Variants in FAM149B1 observed in about 807,000 individuals in gnomAD.
FAM149B1 encodes the protein primary cilium assembly protein FAM149B1.
FAM149B1 carries 56 observed loss-of-function variants against 75.3 expected under a neutral mutation model. The ratio of observed to expected loss-of-function variants is 0.74; its 90% CI spans 0.60 to 0.93. The LOEUF is 0.93. Ranked by LOEUF, FAM149B1 falls within the 40% of genes least tolerant of loss-of-function variation. The probability of loss-of-function intolerance (pLI) is 0.00; values close to 1 mark genes in which losing one functional copy is unlikely to be tolerated. For synonymous variants in FAM149B1, 259 were observed against 256.1 expected (o/e 1.01, Z -0.11); for missense variants, 639 against 708.4 (o/e 0.90, Z 1.11).
chr10:73,217,289 T>C (rs2043318437), intron 7 of FAM149B1, among the ~76,000 whole-genome samples: 1 of 152,218 alleles, frequency 6.6e-6, no homozygotes, highest in Non-Finnish European at 1.5e-5. Flanking sequence ...TACATATTTT[T>C]TTCTGTTGGG....
intron 12 of FAM149B1, chr10:73,235,585 A>G (rs1302307663): frequency 1.8e-6 from 1 of 549,144 alleles, no homozygotes; most frequent in Admixed American, 3.8e-5. Flanking sequence ...AGAATATTAA[A>G]TCCCAGTACA....
chr10:73,174,958 C>T (rs1489366087), intron 2 of FAM149B1, among the ~76,000 whole-genome samples, 167 bp downstream of exon 2: 1 of 152,150 alleles, frequency 6.6e-6, no homozygotes, highest in Admixed American at 6.5e-5. Context: ...CTAATGACAA[C>T]ATCATACATA....
intron 2 of FAM149B1, among the ~76,000 whole-genome samples, chr10:73,177,535 C>T (rs1338528818): frequency 6.6e-6 from 1 of 151,562 alleles, no homozygotes; most frequent in Non-Finnish European, 1.5e-5. Context: ...TATCGTGCCA[C>T]TGCACTGTAG....
chr10:73,173,567 A>G (rs1415764448), intron 1 of FAM149B1, among the ~76,000 whole-genome samples: 1 of 152,120 alleles, frequency 6.6e-6, no homozygotes, highest in African/African-American at 2.4e-5. Context: ...CCATTATATA[A>G]ATGGCCCTTA....
chr10:73,220,270 A>G (rs1165498387), intron 7 of FAM149B1, among the ~76,000 whole-genome samples: 1 of 152,200 alleles, frequency 6.6e-6, no homozygotes, highest in Non-Finnish European at 1.5e-5. Context: ...AAGAAAAATA[A>G]CAAGTGTTAG....
chr10:73,241,965 G>A lies in FAM149B1; in HGVS notation c.*946G>A, dbSNP rs1253704137. 1 of 152,066 alleles carries A rather than the reference G, an allele frequency of 6.6e-6. No homozygotes were observed. The highest frequency in any genetic ancestry group is 2.4e-5 in the African/African-American group (1 of 41,404). The allele number at this position is 152,066 out of a possible 1,614,324, so 9.4% of individuals were successfully genotyped here. On this transcript the variant is annotated 3_prime_UTR_variant, in exon 14 of 14. Coordinates refer to ENST00000242505, the MANE Select transcript of FAM149B1 (RefSeq NM_173348.2). ...GAATGCAGCAACAGTTTTAACTATG[G>A]CTTACATTTATTTTAAATTTCACTA...
intron 13 of FAM149B1, among the ~76,000 whole-genome samples, chr10:73,240,516 T>G (rs558006667): frequency 2.6e-4 from 39 of 152,174 alleles, no homozygotes; most frequent in South Asian, 1.0e-3. Context: ...ATTGAGACCA[T>G]CCTGGCTAAC....
chr10:73,174,857 C>A, intron 2 of FAM149B1, 66 bp downstream of exon 2: 2 of 1,126,782 alleles, frequency 1.8e-6, no homozygotes, highest in South Asian at 1.3e-5. Flanking sequence ...TGTTTTTTGG[C>A]TTAAGATTGG....
At chr10:73,188,355 A>G (rs2042584432) in intron 3 of FAM149B1, among the ~76,000 whole-genome samples, 1 of 152,222 alleles carries the variant, frequency 6.6e-6, no homozygotes, top group African/African-American at 2.4e-5. Context: ...AGCAAAAACT[A>G]TAAATCCCTT....
intron 12 of FAM149B1, chr10:73,235,608 A>G (rs2043803628): frequency 2.4e-6 from 1 of 414,900 alleles, no homozygotes; most frequent in Non-Finnish European, 4.0e-6. Context: ...TCAGATAAGC[A>G]TAACTTTATT....
chr10:73,241,080 GTCA>G lies in FAM149B1; in HGVS notation c.*65_*67del. On this transcript the variant is annotated 3_prime_UTR_variant, in exon 14 of 14. Transcript: ENST00000242505. ...ACGAGATTTCATGAAGCAGTATTCA[GTCA>G]TCAAGTGATGCAGAGCTTGTATAGA... 1.1e-6 allele frequency: 1 copy of G among 921,618 alleles called. No homozygotes were observed. The highest frequency in any genetic ancestry group is 1.7e-6 in the Non-Finnish European group (1 of 575,970). 57.1% of individuals were successfully genotyped at this position (921,618 alleles called of 1,614,324 possible). A position where few individuals can be genotyped will look rare whatever the true frequency, so the allele number is the denominator to read the frequency against.
intron 12 of FAM149B1, chr10:73,235,550 C>CT (rs2043802495): frequency 1.1e-6 from 1 of 914,260 alleles, no homozygotes; most frequent in Non-Finnish European, 1.5e-6. Context: ...CAATTTAACA[C>CT]TTAAGATATG....
intron 3 of FAM149B1, among the ~76,000 whole-genome samples, chr10:73,188,796 A>T (rs1317248338): frequency 6.6e-6 from 1 of 151,446 alleles, no homozygotes; most frequent in Non-Finnish European, 1.5e-5. Flanking sequence ...GAAGGAAGGA[A>T]GGAAGGAAGG....
At chr10:73,186,078 A>G (rs2042514833) in intron 3 of FAM149B1, among the ~76,000 whole-genome samples, 1 of 152,180 alleles carries the variant, frequency 6.6e-6, no homozygotes, top group African/African-American at 2.4e-5. Context: ...AGGATTATTT[A>G]CCCTGACCAA....
At chr10:73,222,282 C>T (rs191654250) in intron 7 of FAM149B1, among the ~76,000 whole-genome samples, 193 of 152,284 alleles carry the variant, frequency 1.3e-3, no homozygotes, top group Admixed American at 4.3e-3. Context: ...AATGTTCAGT[C>T]TAGAGCTAAT....
At chr10:73,229,581 A>C (rs1754522874) in intron 8 of FAM149B1, among the ~76,000 whole-genome samples, 1 of 152,166 alleles carries the variant, frequency 6.6e-6, no homozygotes, top group Non-Finnish European at 1.5e-5. Flanking sequence ...TCTCAGAAAA[A>C]ATAAGAGAAA....
chr10:73,235,375 G>A (rs2043799453), intron 12 of FAM149B1, 57 bp downstream of exon 12: 1 of 1,544,432 alleles, frequency 6.5e-7, no homozygotes, highest in African/African-American at 1.4e-5. Flanking sequence ...AAAGGTGGGG[G>A]GAATAATAGT....
intron 6 of FAM149B1, among the ~76,000 whole-genome samples, chr10:73,209,404 C>T (rs2043137203): frequency 2.6e-5 from 4 of 152,216 alleles, no homozygotes; most frequent in Non-Finnish European, 1.5e-5. Flanking sequence ...GCCGAGATCA[C>T]GCCACTGCAT....
chr10:73,200,458 G>T, intron 5 of FAM149B1: 1 of 616,320 alleles, frequency 1.6e-6, no homozygotes, highest in African/African-American at 1.8e-5. Context: ...AAAACTGCAG[G>T]CTGAAGTACC....
Sources: allele counts gnomAD v4.1 joint callset (sites outside exome capture counted in the v4.1 genomes callset), GRCh38; gene constraint gnomAD v4.1.1; transcripts MANE v1.5; gene names NCBI Gene and HGNC (gene_info 2026-07-23, HGNC 2026-07-21).